CDH2: variants seen among roughly 807,000 people sequenced by gnomAD.
The protein encoded by CDH2 is cadherin-2.
Under a neutral mutation model 92.0 loss-of-function variants are expected in CDH2, and 17 were observed. The observed-to-expected ratio is 0.18, with a 90% CI of 0.13 to 0.28. CDH2 has a LOEUF of 0.28. CDH2 is among the 10% of genes least tolerant of loss of function. The pLI is 1.00. For synonymous variants in CDH2, 419 were observed against 415.9 expected (o/e 1.01, Z -0.09); for missense variants, 862 against 1,133.1 (o/e 0.76, Z 3.44).
At chr18:28,130,167 C>T (rs982290708) in intron 2 of CDH2, among the ~76,000 whole-genome samples, 1 of 152,146 alleles carries the variant, frequency 6.6e-6, no homozygotes, top group Non-Finnish European at 1.5e-5. Context: ...TCAGAAGCAT[C>T]GTGATCATTT....
chr18:28,108,069 A>G (rs2072392551), intron 2 of CDH2, among the ~76,000 whole-genome samples: 1 of 152,174 alleles, frequency 6.6e-6, no homozygotes, highest in African/African-American at 2.4e-5. Context: ...TGGTAGACAG[A>G]GGAAACAGTA....
chr18:28,066,122 T>C (rs1396899191), intron 2 of CDH2, among the ~76,000 whole-genome samples: 1 of 152,184 alleles, frequency 6.6e-6, no homozygotes, highest in Admixed American at 6.6e-5. Context: ...TAATAACCAT[T>C]TGAAAAGTTG....
chr18:28,103,005 G>A (rs2015251664), intron 2 of CDH2, among the ~76,000 whole-genome samples: 2 of 151,502 alleles, frequency 1.3e-5, no homozygotes, highest in South Asian at 4.2e-4. Context: ...CCTATTATTT[G>A]CCTATAAAAA....
At position 28,013,887 on chromosome 18, in the gene CDH2, T is replaced by G. The variant is rs755455153; in HGVS notation, c.195A>C (p.Gly65=). The change falls in exon 3 of 16, where the codon GGA becomes GGC. Residue 65 remains glycine (G), a synonymous_variant. Transcript: ENST00000269141. ...LLNVKFSNCN[G]KRKVQYESSE... ...TGCTCTCATATTGTACTTTTCTTTT[T>G]CCATTGCAGTTGCTAAACTTCACTG... 1 of 1,612,816 alleles carries G rather than the reference T, an allele frequency of 6.2e-7. No individual in the cohort carries two copies. The highest frequency in any genetic ancestry group is 8.5e-7 in the Non-Finnish European group (1 of 1,179,822).
intron 2 of CDH2, among the ~76,000 whole-genome samples, chr18:28,099,598 T>TAGTAA (rs2015194013): frequency 6.6e-6 from 1 of 152,088 alleles, no homozygotes; most frequent in South Asian, 2.1e-4. Context: ...GAAAGAAGTT[T>TAGTAA]AGTAAGGGCA....
intron 1 of CDH2, among the ~76,000 whole-genome samples, chr18:28,166,149 C>CATATATAT (rs35562216): frequency 0.016 from 972 of 59,226 alleles, 37 homozygotes; most frequent in African/African-American, 0.023. Flanking sequence ...CAGACACACT[C>CATATATAT]ATATATATAT....
chr18:28,114,448 C>T (rs1174884372), intron 2 of CDH2, among the ~76,000 whole-genome samples: 1 of 151,758 alleles, frequency 6.6e-6, no homozygotes, highest in Non-Finnish European at 1.5e-5. Flanking sequence ...CTCATATAAA[C>T]AGTATATAAA....
chr18:28,035,791 C>G (rs953322251), intron 2 of CDH2, among the ~76,000 whole-genome samples: 1 of 151,908 alleles, frequency 6.6e-6, no homozygotes, highest in Non-Finnish European at 1.5e-5. Flanking sequence ...CATTCCATGC[C>G]TGAATATGTA....
chr18:28,167,411 CCCTCCTTACCTCCAATATATTTCTA>C lies in CDH2; in HGVS notation c.60+9527_60+9551del, dbSNP rs2016402273. On this transcript the variant is annotated intron_variant, in intron 1 of 15. Transcript: ENST00000269141. ...ATCTTTCCATTTTAAACCAACTTCA[CCCTCCTTACCTCCAATATATTTCTA>C]TAGTGTCCGTCTTTCCTAATTTTGT... Among the ~76,000 whole-genome samples, 3 of 152,080 alleles carry C rather than the reference CCCTCCTTACCTCCAATATATTTCTA, an allele frequency of 2.0e-5. No homozygotes were observed. The South Asian group carries it at 6.2e-4, about 31-fold the overall frequency.
At chr18:28,079,716 A>C (rs1343151007) in intron 2 of CDH2, among the ~76,000 whole-genome samples, 1 of 152,218 alleles carries the variant, frequency 6.6e-6, no homozygotes, top group Non-Finnish European at 1.5e-5. Context: ...TAAGCAGGAC[A>C]CTGTCCTAAA....
chr18:27,969,833 T>C (rs2011613561), intron 14 of CDH2, among the ~76,000 whole-genome samples: 1 of 152,058 alleles, frequency 6.6e-6, no homozygotes, highest in Admixed American at 6.5e-5. Flanking sequence ...CTGGCCAACA[T>C]GGTGCAACCC....
chr18:27,953,812 C>T (rs1040659265), intron 15 of CDH2, among the ~76,000 whole-genome samples: 3 of 152,032 alleles, frequency 2.0e-5, no homozygotes, highest in Non-Finnish European at 4.4e-5. Context: ...TAAAGGGACC[C>T]GAGGTCTCAC....
chr18:27,998,290 G>GCA (rs998854376), intron 7 of CDH2, among the ~76,000 whole-genome samples: 2 of 152,200 alleles, frequency 1.3e-5, no homozygotes, highest in African/African-American at 4.8e-5. Flanking sequence ...TATGTGCCCA[G>GCA]CACAGTGCTA....
chr18:27,971,787 A>G lies in CDH2; in HGVS notation c.2350-8266T>C, dbSNP rs141723778. 1.2e-4 allele frequency among the ~76,000 whole-genome samples: 18 copies of G among 152,354 alleles called. No individual in the cohort carries two copies. In the East Asian group the frequency reaches 3.1e-3, roughly 26 times the overall value. ...AACTTGGGAACATCATTAACAAAGC[A>G]TGCTTTAGCCAACAATAAAAGTGTT... On this transcript the variant is annotated intron_variant, in intron 14 of 15. Transcript: ENST00000269141.
At position 27,971,261 on chromosome 18, in the gene CDH2, T is replaced by C. The variant is rs147035517; in HGVS notation, c.2350-7740A>G. On this transcript the variant is annotated intron_variant, in intron 14 of 15. Transcript: ENST00000269141. The stretch of plus-strand genomic sequence containing the variant: ...AAAAAAAAAAAGGTAGCTGGTGGAT[T>C]TGGTAGCTGCTAGAACACTGGCCTA... Among the ~76,000 whole-genome samples, 624 of 150,978 alleles carry C rather than the reference T, an allele frequency of 4.1e-3. 5 individuals are homozygous for C. Among genetic ancestry groups the C allele is most frequent in the African/African-American group, 0.015 (600 of 41,190 alleles).
At chr18:28,084,875 C>T (rs766399036) in intron 2 of CDH2, among the ~76,000 whole-genome samples, 4 of 152,148 alleles carry the variant, frequency 2.6e-5, no homozygotes, top group Admixed American at 2.0e-4. Flanking sequence ...ATCCTTGGTA[C>T]AGCTCTTTCT....
chr18:28,166,854 T>G (rs2016392878), intron 1 of CDH2, among the ~76,000 whole-genome samples: 2 of 151,646 alleles, frequency 1.3e-5, no homozygotes, highest in Admixed American at 1.3e-4. Context: ...ACTAAACCAT[T>G]ATAAACAGAA....
intron 2 of CDH2, among the ~76,000 whole-genome samples, chr18:28,104,899 T>C (rs944503811): frequency 1.3e-5 from 2 of 152,028 alleles, no homozygotes; most frequent in Admixed American, 1.3e-4. Context: ...GATAGATAGA[T>C]ACTCACCATA....
In CDH2 at chr18:28,135,303, G is replaced by A. The variant is rs1288087811; in HGVS notation, c.172+12370C>T. On this transcript the variant is annotated intron_variant, in intron 2 of 15. Coordinates refer to ENST00000269141, the MANE Select transcript of CDH2 (RefSeq NM_001792.5). Reference sequence around the variant, plus strand: ...TGAAATGTCCACATGTGACCAGACAGATGATCTACCAATAGGCAGCCAAAT... The same window carrying A: ...TGAAATGTCCACATGTGACCAGACAAATGATCTACCAATAGGCAGCCAAAT... 2.0e-5 allele frequency among the ~76,000 whole-genome samples: 3 copies of A among 152,174 alleles called. No homozygotes were observed. In the East Asian group the frequency reaches 5.8e-4, roughly 29 times the overall value.
Sources: allele counts gnomAD v4.1 joint callset (sites outside exome capture counted in the v4.1 genomes callset), GRCh38; gene constraint gnomAD v4.1.1; transcripts MANE v1.5; gene names NCBI Gene and HGNC (gene_info 2026-07-23, HGNC 2026-07-21).